Variants in FAM53A observed in about 807,000 individuals in gnomAD.
FAM53A encodes protein FAM53A.
In FAM53A, 28 loss-of-function variants were observed where a neutral mutation model predicts 26.6. The ratio of observed to expected loss-of-function variants is 1.05; its 90% CI spans 0.78 to 1.45. FAM53A has a LOEUF of 1.45. Ranked by LOEUF, FAM53A falls within the 40% of genes most tolerant of loss-of-function variation. The pLI is 0.00. For synonymous variants in FAM53A, 290 were observed against 253.1 expected (o/e 1.15, Z -1.38); for missense variants, 650 against 575.8 (o/e 1.13, Z -1.32).
chr4:1,601,025 C>G, the FAM53A span, among the ~76,000 whole-genome samples: 132 of 152,252 alleles, frequency 8.7e-4, no homozygotes, highest in African/African-American at 3.0e-3. Flanking sequence ...AGACGCCCCC[C>G]AGGGCCACGC....
Position 1,618,216 on chromosome 4 carries a change from C to T in FAM53A, c.432-105G>A, listed in dbSNP as rs1353751306. On this transcript the variant is annotated intron_variant, in intron 1 of 1. Coordinates refer to the FAM53A transcript ENST00000489029. Reference sequence around the variant, plus strand: ...CAGAGACAGTGAGGCTGGCCTTGAGCCCGAAGGCCCATCACGGCAGGGGTG... The same window carrying T: ...CAGAGACAGTGAGGCTGGCCTTGAGTCCGAAGGCCCATCACGGCAGGGGTG... The T allele has an allele frequency of 6.6e-6, 3 of 451,554 alleles. No homozygotes were observed. In the East Asian group the frequency reaches 2.1e-4, roughly 31 times the overall value. The allele number at this position is 451,554 out of a possible 1,614,324, so 28.0% of individuals were successfully genotyped here.
At chr4:1,648,433 G>C (rs531046953) in intron 4 of FAM53A, among the ~76,000 whole-genome samples, 1 of 152,142 alleles carries the variant, frequency 6.6e-6, no homozygotes, top group Non-Finnish European at 1.5e-5. Flanking sequence ...GCTGGAAAGA[G>C]GGAGAGCAGG....
At chr4:1,649,561 G>T (rs1712564520) in intron 4 of FAM53A, among the ~76,000 whole-genome samples, 1 of 152,262 alleles carries the variant, frequency 6.6e-6, no homozygotes. Flanking sequence ...GCTCTGTGGG[G>T]CCCGCTCATG....
the FAM53A span, among the ~76,000 whole-genome samples, chr4:1,593,590 G>T: frequency 6.6e-6 from 1 of 152,270 alleles, no homozygotes; most frequent in African/African-American, 2.4e-5. Flanking sequence ...GGCGTCATTT[G>T]TCCTGGACGC....
intron 4 of FAM53A, among the ~76,000 whole-genome samples, chr4:1,654,077 T>C (rs1370925181): frequency 1.3e-5 from 2 of 152,088 alleles, no homozygotes; most frequent in East Asian, 1.9e-4. Flanking sequence ...CCACAGGTCA[T>C]TGAGGAGACA....
At chr4:1,609,413 C>A in the FAM53A span, among the ~76,000 whole-genome samples, 1 of 152,056 alleles carries the variant, frequency 6.6e-6, no homozygotes, top group African/African-American at 2.4e-5. Flanking sequence ...TAAATCTCAT[C>A]TTGAATTGTA....
intron 4 of FAM53A, among the ~76,000 whole-genome samples, chr4:1,654,531 C>T (rs960168702): frequency 1.3e-5 from 2 of 152,270 alleles, no homozygotes; most frequent in Non-Finnish European, 2.9e-5. Context: ...GCAACATGCA[C>T]ACCCACCAGC....
chr4:1,595,849 G>A, the FAM53A span, among the ~76,000 whole-genome samples: 1 of 152,306 alleles, frequency 6.6e-6, no homozygotes, highest in African/African-American at 2.4e-5. Context: ...TTCCTCTCTT[G>A]TGCTGTCAGA....
intron 4 of FAM53A, chr4:1,644,585 C>A: frequency 2.1e-6 from 1 of 466,016 alleles, no homozygotes; most frequent in Non-Finnish European, 3.8e-6. Flanking sequence ...TGGGCGCCAG[C>A]CCCGGGGCTC....
chr4:1,659,554 C>T lies in FAM53A; in HGVS notation c.76-2086G>A, dbSNP rs1016718441. Among the ~76,000 whole-genome samples the T allele has an allele frequency of 2.0e-5, 3 of 152,140 alleles. No individual in the cohort carries two copies. The highest frequency in any genetic ancestry group is 2.9e-5 in the Non-Finnish European group (2 of 68,018). ...TGACCACCTCTATGCAAAGACACGCCGGGGGCAGCAGCTACTCCCAGTGGC... is the reference window on the plus strand; with the variant it reads ...TGACCACCTCTATGCAAAGACACGCTGGGGGCAGCAGCTACTCCCAGTGGC... On this transcript the variant is annotated intron_variant, in intron 2 of 4. Transcript: ENST00000308132. The surrounding 1 kb of genome is among the most constrained non-coding windows in gnomAD (Gnocchi z 5.2).
intron 1 of FAM53A, among the ~76,000 whole-genome samples, chr4:1,634,059 C>G (rs1715731175): frequency 6.6e-6 from 1 of 152,078 alleles, no homozygotes; most frequent in Non-Finnish European, 1.5e-5. Flanking sequence ...GGCTCTCTGG[C>G]AGTGAGTAGC....
chr4:1,634,953 AG>A (rs1715774933), downstream of FAM53A, among the ~76,000 whole-genome samples: 1 of 151,902 alleles, frequency 6.6e-6, no homozygotes, highest in African/African-American at 2.4e-5. Flanking sequence ...CTTTCTTTGC[AG>A]GAAGATTTTA....
the FAM53A span, among the ~76,000 whole-genome samples, chr4:1,607,936 G>A: frequency 9.5e-4 from 107 of 112,514 alleles, 2 homozygotes; most frequent in Admixed American, 7.5e-3. Flanking sequence ...GTGAGACTCC[G>A]TCTCAAAAAA....
At chr4:1,638,444 T>G (rs1715945709), downstream of FAM53A, among the ~76,000 whole-genome samples, 1 of 151,814 alleles carries the variant, frequency 6.6e-6, no homozygotes, top group Admixed American at 6.5e-5. Flanking sequence ...CCAGACACCC[T>G]ACATCAAGGG....
downstream of FAM53A, among the ~76,000 whole-genome samples, chr4:1,636,642 T>C (rs538971769): frequency 3.5e-4 from 54 of 152,208 alleles, no homozygotes; most frequent in Non-Finnish European, 6.6e-4. Context: ...CCAGATCCCA[T>C]GCCCTCACCT....
At position 1,656,436 on chromosome 4, in the gene FAM53A, G is replaced by A. The variant is rs145170724; in HGVS notation, c.137-713C>T. On this transcript the variant is annotated intron_variant, in intron 3 of 4. Transcript: ENST00000308132. ...GTCCAGCTGAGGAACTTGGAGTGGAGGCTGTGAGACCTGCCTCTGGGGAAA... is the reference window on the plus strand; with the variant it reads ...GTCCAGCTGAGGAACTTGGAGTGGAAGCTGTGAGACCTGCCTCTGGGGAAA... 3.5e-3 allele frequency among the ~76,000 whole-genome samples: 534 copies of A among 152,206 alleles called. 2 individuals are homozygous for A. Among genetic ancestry groups the A allele is most frequent in the Non-Finnish European group, 4.3e-3 (292 of 68,018 alleles).
At chr4:1,626,621 G>A (rs531271732) in intron 1 of FAM53A, among the ~76,000 whole-genome samples, 2 of 151,700 alleles carry the variant, frequency 1.3e-5, no homozygotes, top group Admixed American at 1.3e-4. Flanking sequence ...GCATCTGGGG[G>A]ACCCGGGACA....
intron 4 of FAM53A, among the ~76,000 whole-genome samples, chr4:1,649,176 A>AGAGGGAAAGGGAAGGGGAAGGGGAAG: frequency 9.4e-6 from 1 of 106,082 alleles, no homozygotes; most frequent in African/African-American, 4.8e-5. Flanking sequence ...GGAAAGGGAA[A>AGAGGGAAAGGGAAGGGGAAGGGGAAG]GGGAAGGGGA....
rs916685971 is a variant in FAM53A at position 1,657,489 on chromosome 4, C to T, written c.76-21G>A. 17 of 1,610,022 alleles carry T rather than the reference C, an allele frequency of 1.1e-5. No individual in the cohort carries two copies. The East Asian group carries it at 3.1e-4, about 30-fold the overall frequency. ...TGCAACTGACAGGAAAGAGAAGTTT[C>T]AATACTGTGACTGACACGTGAGAAT... is the stretch of plus-strand genomic sequence containing the variant. On this transcript the variant is annotated intron_variant, in intron 2 of 4. Coordinates refer to ENST00000308132, the MANE Select transcript of FAM53A (RefSeq NM_001174070.3).
Sources: gnomAD v4.1 joint callset for allele counts (sites outside exome capture counted in the v4.1 genomes callset) on GRCh38, gnomAD v4.1.1 for gene constraint, Gnocchi (gnomAD v3.1) non-coding constraint, MANE v1.5 for transcripts, NCBI Gene and HGNC (gene_info 2026-07-23, HGNC 2026-07-21) for gene names.